Variants in PACSIN2 observed in about 807,000 individuals in gnomAD.
PACSIN2 encodes protein kinase C and casein kinase substrate in neurons protein 2.
A neutral mutation model predicts 63.8 loss-of-function variants in PACSIN2; 25 were observed. That is an observed-to-expected ratio of 0.39 (90% confidence interval 0.29 to 0.55). The LOEUF (loss-of-function observed/expected upper bound fraction) is 0.55, where lower values mean the gene tolerates loss of function less well. Among genes scored for constraint, PACSIN2 ranks in the 20% least tolerant of loss-of-function variants. The pLI is 0.62. For synonymous variants in PACSIN2, 255 were observed against 256.2 expected, an observed-to-expected ratio of 1.00 and a Z score of 0.05; for missense variants, 518 against 646.9, an observed-to-expected ratio of 0.80 and a Z score of 2.16.
At chr22:42,992,683 A>G (rs1923121121) in intron 1 of PACSIN2, among the ~76,000 whole-genome samples, 1 of 152,224 alleles carries the variant, frequency 6.6e-6, no homozygotes, top group African/African-American at 2.4e-5. Flanking sequence ...ACGACATAGC[A>G]TCTTCATTTG....
At chr22:43,013,650 G>A (rs551402884) in intron 1 of PACSIN2, among the ~76,000 whole-genome samples, 9 of 152,334 alleles carry the variant, frequency 5.9e-5, no homozygotes, top group Admixed American at 5.2e-4. Flanking sequence ...TCCCAGGAGG[G>A]TTAAAACAGA....
At position 42,891,167 on chromosome 22, in the gene PACSIN2, G is replaced by A. The variant is rs199901520; in HGVS notation, c.233C>T (p.Thr78Ile). The A allele has an allele frequency of 1.2e-6, 2 of 1,613,402 alleles. No individual in the cohort carries two copies. The highest frequency in any genetic ancestry group is 2.7e-5 in the African/African-American group (2 of 75,038). The change falls in exon 4 of 11, where the codon ACC (threonine) becomes ATC (isoleucine). Residue 78 changes from threonine to isoleucine, a missense_variant. Around this residue, in one of 2 missense-constraint regions of PACSIN2, gnomAD observed 507 missense variants for 612.3 expected, o/e 0.83. Transcript: ENST00000263246. Reference sequence around the variant, plus strand: ...GAAGGCCATCCAGGCCTTCTCCACGGTCCCGTACTGGGGCCCTGTGCAGGG... The same window carrying A: ...GAAGGCCATCCAGGCCTTCTCCACGATCCCGTACTGGGGCCCTGTGCAGGG... ...QLVEKGPQYGTVEKAWMAFMS... is the reference protein window; with the variant it reads ...QLVEKGPQYGIVEKAWMAFMS...
intron 10 of PACSIN2, 49 bp downstream of exon 10, chr22:42,876,088 C>T (rs745450028): frequency 6.6e-7 from 1 of 1,524,862 alleles, no homozygotes; most frequent in Non-Finnish European, 9.0e-7. Flanking sequence ...CGCCCACAGC[C>T]TGCAGGTTGG....
At chr22:42,916,090 A>C (rs1383479674) in intron 1 of PACSIN2, among the ~76,000 whole-genome samples, 1 of 152,132 alleles carries the variant, frequency 6.6e-6, no homozygotes, top group Non-Finnish European at 1.5e-5. Context: ...AAAGCCATGT[A>C]ATTTCTCTGA....
intron 1 of PACSIN2, among the ~76,000 whole-genome samples, chr22:42,941,638 C>T (rs1396039062): frequency 1.3e-5 from 2 of 152,196 alleles, no homozygotes; most frequent in African/African-American, 4.8e-5. Context: ...TCCCTAATGA[C>T]TAGTGATATT....
intron 1 of PACSIN2, among the ~76,000 whole-genome samples, chr22:42,978,480 C>A (rs1921858196): frequency 6.6e-6 from 1 of 152,188 alleles, no homozygotes; most frequent in South Asian, 2.1e-4. Context: ...GGTGGCAGAG[C>A]CAAAAGTCCA....
intron 1 of PACSIN2, among the ~76,000 whole-genome samples, chr22:42,968,954 C>G (rs1219348148): frequency 6.6e-6 from 1 of 152,168 alleles, no homozygotes; most frequent in Non-Finnish European, 1.5e-5. Flanking sequence ...CCCAGAGTCT[C>G]CAGCTTGCAG....
rs530834538 is a variant in PACSIN2 at position 42,871,141 on chromosome 22, G to C, written c.*216C>G. 3 of 585,398 alleles carry C rather than the reference G, an allele frequency of 5.1e-6. No homozygotes were observed. The African/African-American group carries it at 5.6e-5, about 11-fold the overall frequency. The allele number at this position is 585,398 out of a possible 1,614,324, so 36.3% of individuals were successfully genotyped here. A position where few individuals can be genotyped will look rare whatever the true frequency, so the allele number is the denominator to read the frequency against. On this transcript the variant is annotated 3_prime_UTR_variant, in exon 11 of 11. Transcript: ENST00000263246. The surrounding 1 kb of genome is among the most constrained non-coding windows in gnomAD (Gnocchi z 5.4). ...GCGGGGAGGGGCGGCTATTTCTGTT[G>C]TTCTGCGTCTTCCTGCGCTCAGATC... is the stretch of plus-strand genomic sequence containing the variant.
rs1202187297 is a variant in PACSIN2, at chr22:43,009,863, CTA to C, written c.-78+5156_-78+5157del. 6.1e-5 allele frequency among the ~76,000 whole-genome samples: 8 copies of C among 131,812 alleles called. 1 individual carries two copies. Among genetic ancestry groups the C allele is most frequent in the African/African-American group, 2.1e-4 (7 of 34,102 alleles). 86.5% of individuals were successfully genotyped at this position (131,812 alleles called of 152,430 possible). A position where few individuals can be genotyped will look rare whatever the true frequency, so the allele number is the denominator to read the frequency against. ...TAGTTGAGACATCATTTTATTTTTT[CTA>C]TTTTTTTTTTTTTTTTTTTTTGAGA... On this transcript the variant is annotated intron_variant, in intron 1 of 10. Transcript: ENST00000263246.
intron 2 of PACSIN2, among the ~76,000 whole-genome samples, chr22:42,908,328 C>T (rs1486826469): frequency 6.6e-6 from 1 of 151,990 alleles, no homozygotes; most frequent in Non-Finnish European, 1.5e-5. Flanking sequence ...CGGCTCTCAG[C>T]CCTGCTAGGG....
chr22:42,952,667 AT>A (rs1164741942), intron 1 of PACSIN2, among the ~76,000 whole-genome samples: 173 of 129,724 alleles, frequency 1.3e-3, no homozygotes, highest in Non-Finnish European at 1.1e-3. Context: ...CTATTTATTT[AT>A]TTTTTTTTTT....
intron 7 of PACSIN2, among the ~76,000 whole-genome samples, chr22:42,879,652 T>C (rs2146640263): frequency 6.6e-6 from 1 of 152,264 alleles, no homozygotes; most frequent in Admixed American, 6.5e-5. Context: ...GAAGATCCTT[T>C]GCGTCGATGC....
chr22:42,947,301 CAA>C (rs887629467), intron 1 of PACSIN2, among the ~76,000 whole-genome samples: 3 of 152,156 alleles, frequency 2.0e-5, no homozygotes, highest in Non-Finnish European at 4.4e-5. Context: ...CCAAGACAGA[CAA>C]AGAGTATTAT....
At chr22:42,954,743 A>C (rs1425112256) in intron 1 of PACSIN2, among the ~76,000 whole-genome samples, 1 of 152,228 alleles carries the variant, frequency 6.6e-6, no homozygotes, top group Non-Finnish European at 1.5e-5. Flanking sequence ...GGAAAGAGGA[A>C]TATATCCAAG....
At chr22:43,013,003 G>A (rs1394886622) in intron 1 of PACSIN2, among the ~76,000 whole-genome samples, 2 of 152,054 alleles carry the variant, frequency 1.3e-5, no homozygotes, top group East Asian at 3.9e-4. Flanking sequence ...TGTTAGCCAG[G>A]CTGGTCTCTA....
intron 1 of PACSIN2, among the ~76,000 whole-genome samples, chr22:42,965,922 AATAATCATAAATAAATAAATAATC>A (rs1258298956): frequency 3.3e-5 from 5 of 151,004 alleles, no homozygotes; most frequent in African/African-American, 9.7e-5. Context: ...TAAATAAATA[AATAATCATAAATAAATAAATAATC>A]ATAAATAAAT....
chr22:42,920,326 C>T (rs1932103406), intron 1 of PACSIN2, among the ~76,000 whole-genome samples: 1 of 152,086 alleles, frequency 6.6e-6, no homozygotes, highest in Non-Finnish European at 1.5e-5. Context: ...CATCCGAATT[C>T]CAACAAGTGA....
chr22:42,974,828 G>C (rs1399080659), intron 1 of PACSIN2, among the ~76,000 whole-genome samples: 1 of 151,544 alleles, frequency 6.6e-6, no homozygotes, highest in Admixed American at 6.6e-5. Context: ...AGAAGAAGAA[G>C]AAGAGGAGGA....
At chr22:42,966,605 A>G (rs1920960067) in intron 1 of PACSIN2, among the ~76,000 whole-genome samples, 1 of 152,222 alleles carries the variant, frequency 6.6e-6, no homozygotes, top group Non-Finnish European at 1.5e-5. Context: ...TAATGGAGAC[A>G]GCCCAATTGA....
Sources: allele counts gnomAD v4.1 joint callset (sites outside exome capture counted in the v4.1 genomes callset), GRCh38; gene constraint gnomAD v4.1.1; regional missense constraint gnomAD v4.1.1; non-coding constraint Gnocchi (gnomAD v3.1); transcripts MANE v1.5; gene names NCBI Gene and HGNC (gene_info 2026-07-23, HGNC 2026-07-21).